The following MDGA2 variants were observed in gnomAD, a reference collection of about 807,000 sequenced individuals.
MDGA2 encodes the protein MAM domain-containing glycosylphosphatidylinositol anchor protein 2.
A neutral mutation model predicts 117.8 loss-of-function variants in MDGA2; 40 were observed. The ratio of observed to expected loss-of-function variants is 0.34; its 90% confidence interval spans 0.26 to 0.44. The LOEUF (loss-of-function observed/expected upper bound fraction) is 0.44, where lower values mean the gene tolerates loss of function less well. Among genes scored for constraint, MDGA2 ranks in the 20% least tolerant of loss-of-function variants. The pLI is 1.00. For synonymous variants in MDGA2, 452 were observed against 439.0 expected (o/e 1.03, Z -0.37); for missense variants, 1,123 against 1,250.6 (o/e 0.90, Z 1.54).
At chr14:47,614,782 G>A (rs1022016792) in intron 1 of MDGA2, among the ~76,000 whole-genome samples, 2 of 152,124 alleles carry the variant, frequency 1.3e-5, no homozygotes, top group African/African-American at 4.8e-5. Context: ...AGATGTTAAG[G>A]TACATGTTTC....
intron 15 of MDGA2, among the ~76,000 whole-genome samples, chr14:46,849,562 T>G (rs369158149): frequency 6.6e-6 from 1 of 151,778 alleles, no homozygotes; most frequent in Admixed American, 6.6e-5. Flanking sequence ...GATATTAAAT[T>G]TAAGTAATGT....
At chr14:47,653,237 T>C (rs1023984767) in intron 1 of MDGA2, among the ~76,000 whole-genome samples, 3 of 152,124 alleles carry the variant, frequency 2.0e-5, no homozygotes, top group African/African-American at 4.8e-5. Flanking sequence ...ATAGCAATGA[T>C]TTTTCCAGGA....
chr14:47,355,455 C>T (rs773190387), intron 1 of MDGA2, among the ~76,000 whole-genome samples: 13 of 152,106 alleles, frequency 8.5e-5, no homozygotes, highest in African/African-American at 2.9e-4. Flanking sequence ...CCATATCATT[C>T]TACAGCTAGA....
intron 1 of MDGA2, among the ~76,000 whole-genome samples, chr14:47,640,478 G>A (rs2138244459): frequency 6.6e-6 from 1 of 152,144 alleles, no homozygotes; most frequent in East Asian, 1.9e-4. Context: ...GGCTTTTAAT[G>A]GTAAAATCAT....
At chr14:47,527,318 C>T (rs1261379963) in intron 1 of MDGA2, among the ~76,000 whole-genome samples, 1 of 152,060 alleles carries the variant, frequency 6.6e-6, no homozygotes, top group Admixed American at 6.5e-5. Flanking sequence ...TTGGTTCCCA[C>T]TAGGAAACAG....
At chr14:47,338,050 C>T (rs988655980) in intron 1 of MDGA2, among the ~76,000 whole-genome samples, 1 of 151,920 alleles carries the variant, frequency 6.6e-6, no homozygotes, top group Non-Finnish European at 1.5e-5. Flanking sequence ...TGCAACAGAA[C>T]GATTTTGTTC....
At chr14:47,425,913 T>C (rs113044908) in intron 1 of MDGA2, among the ~76,000 whole-genome samples, 1 of 152,022 alleles carries the variant, frequency 6.6e-6, no homozygotes, top group African/African-American at 2.4e-5. Flanking sequence ...ATAGTCTTTT[T>C]TTTTTTAAGA....
chr14:47,623,884 T>C (rs910930257), intron 1 of MDGA2, among the ~76,000 whole-genome samples: 2 of 152,210 alleles, frequency 1.3e-5, no homozygotes, highest in African/African-American at 4.8e-5. Flanking sequence ...AAGTATATAC[T>C]GAAATTATCC....
At chr14:47,184,342 C>A (rs1159275954) in intron 3 of MDGA2, among the ~76,000 whole-genome samples, 1 of 151,790 alleles carries the variant, frequency 6.6e-6, no homozygotes, top group Non-Finnish European at 1.5e-5. Context: ...AACAATCAAC[C>A]AGCTGCAAAT....
At chr14:47,557,804 ATTGAC>A (rs1024416109) in intron 1 of MDGA2, among the ~76,000 whole-genome samples, 58 of 152,324 alleles carry the variant, frequency 3.8e-4, no homozygotes, top group African/African-American at 1.4e-3. Context: ...AATGTATATG[ATTGAC>A]TTATGAGTCA....
At chr14:47,294,375 T>C (rs1888991985) in intron 2 of MDGA2, among the ~76,000 whole-genome samples, 1 of 152,064 alleles carries the variant, frequency 6.6e-6, no homozygotes, top group Admixed American at 6.5e-5. Flanking sequence ...TGGGATTACA[T>C]GAGTGAGCCA....
intron 1 of MDGA2, among the ~76,000 whole-genome samples, chr14:47,660,064 T>C (rs1318737672): frequency 3.9e-5 from 6 of 151,940 alleles, no homozygotes; most frequent in Admixed American, 2.6e-4. Flanking sequence ...AAAGAAGAGA[T>C]CTGGCTTTGA....
chr14:47,672,549 C>T (rs981465538), intron 1 of MDGA2, among the ~76,000 whole-genome samples: 4 of 152,190 alleles, frequency 2.6e-5, no homozygotes, highest in Non-Finnish European at 5.9e-5. Flanking sequence ...ATAGTTCCAG[C>T]AATGTACCAC....
At chr14:47,612,217 T>TAGATAGAC (rs1896862223) in intron 1 of MDGA2, among the ~76,000 whole-genome samples, 1 of 149,212 alleles carries the variant, frequency 6.7e-6, no homozygotes, top group Non-Finnish European at 1.5e-5. Context: ...GACAGATAGA[T>TAGATAGAC]AGATAGATAG....
At chr14:46,935,846 G>A (rs1351007342) in intron 9 of MDGA2, among the ~76,000 whole-genome samples, 3 of 152,150 alleles carry the variant, frequency 2.0e-5, no homozygotes, top group Non-Finnish European at 2.9e-5. Flanking sequence ...GACATGGAGA[G>A]TTGGGAGAAG....
rs995754038 is a variant in MDGA2 at position 46,884,552 on chromosome 14, T to C, written c.2239-2331A>G. On this transcript the variant is annotated intron_variant, in intron 10 of 16. Coordinates refer to ENST00000399232, the MANE Select transcript of MDGA2 (RefSeq NM_001113498.3). This position sits in a 1 kb window ranked among gnomAD's most constrained non-coding sequence, Gnocchi z 4.1. ...GTCTTGACTGCTACATTTCTGGAAA[T>C]AAAAACTACAATATGTGTGCTACAG... is the stretch of plus-strand genomic sequence containing the variant. Among the ~76,000 whole-genome samples the C allele has an allele frequency of 6.6e-6, 1 of 152,122 alleles. No homozygotes were observed. Among genetic ancestry groups the C allele is most frequent in the Non-Finnish European group, 1.5e-5 (1 of 68,014 alleles).
At chr14:46,987,766 G>A (rs1443883807) in intron 8 of MDGA2, among the ~76,000 whole-genome samples, 1 of 151,914 alleles carries the variant, frequency 6.6e-6, no homozygotes, top group Non-Finnish European at 1.5e-5. Flanking sequence ...TTGCTTCTAT[G>A]TGCAAAGCAA....
At chr14:47,364,455 G>A (rs1281644316) in intron 1 of MDGA2, among the ~76,000 whole-genome samples, 3 of 151,976 alleles carry the variant, frequency 2.0e-5, no homozygotes, top group South Asian at 2.1e-4. Context: ...TAGTAGAGAC[G>A]GGGTTTCACC....
chr14:47,009,581 T>G (rs17641571), intron 8 of MDGA2, among the ~76,000 whole-genome samples: 4,434 of 152,142 alleles, frequency 0.029, 94 homozygotes, highest in Middle Eastern at 0.048. Context: ...CTATAGCAAC[T>G]AGGATGTGAG....
Sources: gnomAD v4.1 joint callset for allele counts (sites outside exome capture counted in the v4.1 genomes callset) on GRCh38, gnomAD v4.1.1 for gene constraint, Gnocchi (gnomAD v3.1) non-coding constraint, MANE v1.5 for transcripts, NCBI Gene and HGNC (gene_info 2026-07-23, HGNC 2026-07-21) for gene names.